The following METRNL variants were observed in gnomAD, a reference collection of about 807,000 sequenced individuals.
METRNL encodes meteorin like, glial cell differentiation regulator, also known as meteorin-like protein.
METRNL carries 9 observed loss-of-function variants against 17.4 expected under a neutral mutation model. The ratio of observed to expected loss-of-function variants is 0.52; its 90% CI spans 0.31 to 0.90. The LOEUF (loss-of-function observed/expected upper bound fraction) is 0.90. METRNL is among the 40% of genes least tolerant of loss of function. The probability of loss-of-function intolerance (pLI) is 0.05; values close to 1 mark genes in which losing one functional copy is unlikely to be tolerated. For missense variants in METRNL, 408 were observed against 430.7 expected (o/e 0.95, Z 0.47); for synonymous variants, 215 against 199.3 (o/e 1.08, Z -0.66).
intron 3 of METRNL, among the ~76,000 whole-genome samples, chr17:83,093,992 T>C (rs1405576328): frequency 6.6e-6 from 1 of 152,206 alleles, no homozygotes; most frequent in African/African-American, 2.4e-5. Context: ...CTGGACTTGT[T>C]TGTTCTGTTT....
chr17:83,081,153 G>A (rs1568333989), intron 1 of METRNL, among the ~76,000 whole-genome samples: 1 of 151,786 alleles, frequency 6.6e-6, no homozygotes, highest in Non-Finnish European at 1.5e-5. Flanking sequence ...TCCCTTCTCG[G>A]CCGAGCGGGG....
chr17:83,089,689 C>T (rs34713360), intron 2 of METRNL, among the ~76,000 whole-genome samples: 2,921 of 152,268 alleles, frequency 0.019, 53 homozygotes, highest in Non-Finnish European at 0.032. Context: ...CCGTGAGCAG[C>T]GCGTTCCGCA....
intron 2 of METRNL, among the ~76,000 whole-genome samples, chr17:83,085,946 G>A (rs991244870): frequency 3.9e-5 from 6 of 152,210 alleles, no homozygotes; most frequent in East Asian, 3.9e-4. Context: ...GGCCACCCCC[G>A]TCCCAGAGGG....
In METRNL at chr17:83,094,472, G is replaced by A. The variant is rs1235220329; in HGVS notation, c.833G>A (p.Gly278Glu). ...DFLFTGHMHF[G>E]EARLGCAPRF... ...CTCTTCACTGGCCACATGCACTTCG[G>A]GGAGGCGCGGCTCGGCTGTGCCCCA... Residue 278 changes from glycine (G) to glutamate (E), a missense_variant, in exon 4 of 4, where the codon GGG becomes GAG. Physicochemically the swap from Gly to Glu is moderately conservative, Grantham distance 98 (BLOSUM62 -2). Coordinates refer to ENST00000320095, the MANE Select transcript of METRNL (RefSeq NM_001004431.3). 1.3e-6 allele frequency: 2 copies of A among 1,586,806 alleles called. No homozygotes were observed. Among genetic ancestry groups the A allele is most frequent in the Non-Finnish European group, 1.7e-6 (2 of 1,160,688 alleles).
intron 1 of METRNL, chr17:83,084,731 A>C: frequency 2.2e-5 from 12 of 552,328 alleles, no homozygotes; most frequent in East Asian, 6.1e-5. Context: ...ACTGGAAGGA[A>C]CTGGGTGGGG....
chr17:83,082,184 A>T (rs2037997790), intron 1 of METRNL: 2 of 985,354 alleles, frequency 2.0e-6, no homozygotes, highest in South Asian at 4.7e-5. Flanking sequence ...ACTTGCTGTC[A>T]GCCCGGGCAT....
intron 2 of METRNL, among the ~76,000 whole-genome samples, chr17:83,092,075 G>C (rs1041685385): frequency 2.0e-5 from 3 of 152,244 alleles, no homozygotes; most frequent in Admixed American, 2.0e-4. Flanking sequence ...CGGTACGGGA[G>C]CTCATTCTGA....
intron 2 of METRNL, among the ~76,000 whole-genome samples, chr17:83,086,040 G>A (rs2038049523): frequency 6.6e-6 from 1 of 152,196 alleles, no homozygotes; most frequent in Non-Finnish European, 1.5e-5. Context: ...GGACGCCTGT[G>A]CTTGGGGGAG....
At chr17:83,094,131 A>T (rs1227129371) in intron 3 of METRNL, 125 bp from the exon 4 acceptor site, 2 of 749,290 alleles carry the variant, frequency 2.7e-6, no homozygotes, top group African/African-American at 3.6e-5. Context: ...TCCACGCTAG[A>T]TGGCAGAGTC....
At chr17:83,081,771 C>T (rs1341312786) in intron 1 of METRNL, among the ~76,000 whole-genome samples, 2 of 152,140 alleles carry the variant, frequency 1.3e-5, no homozygotes, top group African/African-American at 4.8e-5. Context: ...CTGGAGGGGA[C>T]ACGGGGCCCG....
chr17:83,090,661 G>A (rs1239183214), intron 2 of METRNL, among the ~76,000 whole-genome samples: 4 of 150,786 alleles, frequency 2.7e-5, no homozygotes, highest in Non-Finnish European at 5.9e-5. Context: ...ACCCTCGGGT[G>A]GACTGGGGTC....
Position 83,093,241 on chromosome 17 carries a change from G to A in METRNL, c.616+15G>A, listed in dbSNP as rs374750413. ...CAGCGACTTCGGTGAGTGTCTCCTC[G>A]GCAGCTTCTACCTCCTGTGCTCCTG... On this transcript the variant is annotated intron_variant, in intron 3 of 3. Transcript: ENST00000320095. 51 of 1,602,482 alleles carry A rather than the reference G, an allele frequency of 3.2e-5. No homozygotes were observed. The highest frequency in any genetic ancestry group is 4.1e-5 in the Non-Finnish European group (48 of 1,176,960).
At chr17:83,092,427 A>G (rs2038149359) in intron 2 of METRNL, 1 of 152,064 alleles carries the variant, frequency 6.6e-6, no homozygotes, top group Non-Finnish European at 1.5e-5. Context: ...CGACCCAGGG[A>G]AGTGGGCAGC....
At chr17:83,083,023 G>A (rs905688360) in intron 1 of METRNL, among the ~76,000 whole-genome samples, 3 of 152,358 alleles carry the variant, frequency 2.0e-5, no homozygotes, top group African/African-American at 7.2e-5. Context: ...GTGAAGGCCG[G>A]GGTAGCCGGG....
Position 83,093,201 on chromosome 17 carries a change from C to A in METRNL, c.591C>A (p.Leu197=), listed in dbSNP as rs1171569991. The A allele has an allele frequency of 6.2e-7, 1 of 1,608,414 alleles. No homozygotes were observed. Among genetic ancestry groups the A allele is most frequent in the African/African-American group, 1.3e-5 (1 of 75,054 alleles). The change falls in exon 3 of 4, where the codon CTC becomes CTA. Residue 197 remains leucine, a synonymous_variant. Transcript: ENST00000320095. ...GTCCCTGCAGTGACACCGAGGTGCTCCTAGCCGTCTGCACCAGCGACTTCG... is the reference window on the plus strand; with the variant it reads ...GTCCCTGCAGTGACACCGAGGTGCTACTAGCCGTCTGCACCAGCGACTTCG... ...PCRPCSDTEV[L]LAVCTSDFAV...
In METRNL at chr17:83,084,107, G is replaced by C. The variant is rs538856307; in HGVS notation, c.171-831G>C. 2.6e-5 allele frequency: 4 copies of C among 152,286 alleles called. No homozygotes were observed. In the South Asian group the frequency reaches 8.3e-4, roughly 32 times the overall value. 9.4% of individuals were successfully genotyped at this position (152,286 alleles called of 1,614,324 possible). ...GCATGTATGAGGGTGAACTTAGCTT[G>C]CTACTCACACACTACTCACCCTGTG... On this transcript the variant is annotated intron_variant, in intron 1 of 3. Transcript: ENST00000320095.
intron 1 of METRNL, among the ~76,000 whole-genome samples, chr17:83,081,516 C>T (rs534551337): frequency 9.2e-5 from 14 of 152,216 alleles, no homozygotes; most frequent in African/African-American, 3.1e-4. Context: ...CACCCCTCCA[C>T]CTCCAGGGGC....
intron 2 of METRNL, among the ~76,000 whole-genome samples, chr17:83,085,998 G>A (rs571332769): frequency 6.6e-6 from 1 of 152,168 alleles, no homozygotes; most frequent in South Asian, 2.1e-4. Flanking sequence ...CTGTGTGGCC[G>A]GCAGGGAGTG....
In METRNL at chr17:83,094,338, T is replaced by C; in HGVS notation, c.699T>C (p.Tyr233=). 2 of 1,610,496 alleles carry C rather than the reference T, an allele frequency of 1.2e-6. No homozygotes were observed. The change falls in exon 4 of 4, where the codon TAT becomes TAC. Residue 233 remains tyrosine (Y), a synonymous_variant. Coordinates refer to ENST00000320095, the MANE Select transcript of METRNL (RefSeq NM_001004431.3). ...SAIHLRVSRL[Y]RQKSRVFEPV... is the part of the protein sequence containing the mutation. ...TCCACCTGCGCGTGAGCAGACTCTA[T>C]CGGCAGAAAAGCAGGGTCTTCGAGC...
Sources: allele counts gnomAD v4.1 joint callset (sites outside exome capture counted in the v4.1 genomes callset), GRCh38; gene constraint gnomAD v4.1.1; transcripts MANE v1.5; gene names NCBI Gene and HGNC (gene_info 2026-07-23, HGNC 2026-07-21).